Variants in TRPC3 observed in about 807,000 individuals in gnomAD.
TRPC3 encodes transient receptor potential cation channel subfamily C member 3.
In TRPC3, 54 loss-of-function variants were observed where a neutral mutation model predicts 90.9. The observed-to-expected ratio is 0.59, with a 90% confidence interval of 0.48 to 0.75. The LOEUF (loss-of-function observed/expected upper bound fraction) is 0.75, where lower values mean the gene tolerates loss of function less well. TRPC3 is among the 30% of genes least tolerant of loss of function. The pLI, the probability that TRPC3 is intolerant of heterozygous loss-of-function variation, is 0.00. For synonymous variants in TRPC3, 424 were observed against 450.9 expected, an observed-to-expected ratio of 0.94 and a Z score of 0.75; for missense variants, 918 against 1,194.5, an observed-to-expected ratio of 0.77 and a Z score of 3.41.
intron 1 of TRPC3, among the ~76,000 whole-genome samples, chr4:121,934,429 T>C (rs1441438298): frequency 6.6e-6 from 1 of 152,200 alleles, no homozygotes; most frequent in African/African-American, 2.4e-5. Context: ...CTTCCAATGT[T>C]CAAGATAACT....
intron 6 of TRPC3, among the ~76,000 whole-genome samples, chr4:121,908,115 A>T (rs1208685232): frequency 6.6e-6 from 1 of 152,158 alleles, no homozygotes; most frequent in Non-Finnish European, 1.5e-5. Flanking sequence ...AAAATGTAAA[A>T]TGCCACTGAA....
intron 3 of TRPC3, among the ~76,000 whole-genome samples, chr4:121,922,728 G>T (rs1158149282): frequency 6.6e-6 from 1 of 152,176 alleles, no homozygotes; most frequent in Non-Finnish European, 1.5e-5. Flanking sequence ...GATACATATT[G>T]CAGGATGTGT....
At chr4:121,912,167 T>TA (rs1194852228) in intron 4 of TRPC3, 74 bp from the exon 5 acceptor site, 95 of 1,231,334 alleles carry the variant, frequency 7.7e-5, no homozygotes, top group Admixed American at 2.7e-4. Context: ...AACATAGGAT[T>TA]AAAAAAAATA....
At chr4:121,927,656 GAAGAA>G (rs1729767258) in intron 2 of TRPC3, among the ~76,000 whole-genome samples, 1 of 151,408 alleles carries the variant, frequency 6.6e-6, no homozygotes, top group African/African-American at 2.5e-5. Flanking sequence ...AAATAAACAA[GAAGAA>G]GAGAGACTGT....
In TRPC3 at chr4:121,951,546, C is replaced by T. The variant is rs887003606; in HGVS notation, c.135G>A (p.Gly45=). Reference sequence around the variant, plus strand: ...AGGGCGCCGAGCGCGGCTCCAGCCCCCCGTTGACGCCCCTCCAGCCCCGGC... The same window carrying T: ...AGGGCGCCGAGCGCGGCTCCAGCCCTCCGTTGACGCCCCTCCAGCCCCGGC... The part of the protein sequence containing the change: ...RRRRGWRGVN[G]GLEPRSAPSQ... The change falls in exon 1 of 12, where the codon GGG becomes GGA. Residue 45 remains glycine, a synonymous_variant. Transcript: ENST00000379645. The surrounding 1 kb of genome is among the most constrained non-coding windows in gnomAD (Gnocchi z 4.4). 1.5e-5 allele frequency: 21 copies of T among 1,424,680 alleles called. No homozygotes were observed. Among genetic ancestry groups the T allele is most frequent in the Non-Finnish European group, 1.9e-5 (21 of 1,086,522 alleles). The allele number at this position is 1,424,680 out of a possible 1,614,324, so 88.3% of individuals were successfully genotyped here.
intron 10 of TRPC3, among the ~76,000 whole-genome samples, chr4:121,886,156 T>C (rs909616408): frequency 2.0e-5 from 3 of 152,168 alleles, no homozygotes; most frequent in African/African-American, 7.2e-5. Context: ...ATATCTTCCT[T>C]CCTGAAAGGA....
intron 1 of TRPC3, among the ~76,000 whole-genome samples, chr4:121,950,231 T>G (rs1730659860): frequency 6.6e-6 from 1 of 152,216 alleles, no homozygotes; most frequent in East Asian, 1.9e-4. Context: ...GTTCCTGTGT[T>G]CTACCGGCAG....
intron 1 of TRPC3, chr4:121,950,559 CTT>C (rs1193685502): frequency 1.3e-5 from 2 of 152,282 alleles, no homozygotes; most frequent in African/African-American, 4.8e-5. Flanking sequence ...CGATCACCCT[CTT>C]TTTATCTTCT....
intron 3 of TRPC3, among the ~76,000 whole-genome samples, chr4:121,917,220 T>C (rs79514752): frequency 0.035 from 5,373 of 152,316 alleles, 322 homozygotes; most frequent in African/African-American, 0.12. Context: ...TCCAAGGTTC[T>C]AAGTTTTGAA....
chr4:121,884,452 T>G (rs1224721812), intron 10 of TRPC3, among the ~76,000 whole-genome samples: 1 of 152,106 alleles, frequency 6.6e-6, no homozygotes, highest in Non-Finnish European at 1.5e-5. Context: ...TGCTTCATAA[T>G]TTATTTTGCA....
chr4:121,902,096 T>C (rs903923616), intron 9 of TRPC3, among the ~76,000 whole-genome samples: 10 of 152,212 alleles, frequency 6.6e-5, no homozygotes, highest in African/African-American at 1.9e-4. Flanking sequence ...GGGGATAACA[T>C]TGATATCTCG....
At chr4:121,930,186 C>T (rs976000370) in intron 2 of TRPC3, among the ~76,000 whole-genome samples, 1 of 152,120 alleles carries the variant, frequency 6.6e-6, no homozygotes, top group African/African-American at 2.4e-5. Context: ...GGGAGAGAGA[C>T]ATGAAGTCCT....
intron 10 of TRPC3, among the ~76,000 whole-genome samples, 166 bp downstream of exon 10, chr4:121,899,446 T>A (rs76585823): frequency 0.058 from 8,747 of 152,054 alleles, 552 homozygotes; most frequent in African/African-American, 0.15. Context: ...AATTTTTTTT[T>A]AAAAAATTTC....
At position 121,914,899 on chromosome 4, in the gene TRPC3, A is replaced by AGG; in HGVS notation, c.1221_1222insCC (p.Tyr408ProfsTer8). Reference sequence around the variant, plus strand: ...TCCCTTAGGCCTGAGAGGTTCTCATACCAGATCGTCAAGAGCTGCTGCTGG... The same window carrying AGG: ...TCCCTTAGGCCTGAGAGGTTCTCATAGGCCAGATCGTCAAGAGCTGCTGCTGG... On this transcript the variant is annotated frameshift_variant, in exon 4 of 12. Coordinates refer to ENST00000379645, the MANE Select transcript of TRPC3 (RefSeq NM_001130698.2). LOFTEE classifies it high-confidence loss of function. 1 of 1,612,322 alleles carries AGG rather than the reference A, an allele frequency of 6.2e-7. No homozygotes were observed. Among genetic ancestry groups the AGG allele is most frequent in the Non-Finnish European group, 8.5e-7 (1 of 1,178,570 alleles).
intron 10 of TRPC3, among the ~76,000 whole-genome samples, chr4:121,895,149 G>T (rs914334736): frequency 6.6e-6 from 1 of 151,846 alleles, no homozygotes; most frequent in African/African-American, 2.4e-5. Flanking sequence ...CAACACCCAT[G>T]CAACACAGCA....
intron 10 of TRPC3, among the ~76,000 whole-genome samples, chr4:121,893,942 ACT>A (rs989905443): frequency 3.9e-5 from 6 of 152,176 alleles, no homozygotes; most frequent in African/African-American, 7.2e-5. Flanking sequence ...TTGGTAACAC[ACT>A]GTTTGTAAAT....
chr4:121,879,501 T>C lies in TRPC3; in HGVS notation c.*235A>G. The C allele has an allele frequency of 6.8e-6, 3 of 441,046 alleles. No homozygotes were observed. The highest frequency in any genetic ancestry group is 1.2e-5 in the Non-Finnish European group (3 of 253,878). 27.3% of individuals were successfully genotyped at this position (441,046 alleles called of 1,614,324 possible). On this transcript the variant is annotated 3_prime_UTR_variant, in exon 12 of 12. Coordinates refer to ENST00000379645, the MANE Select transcript of TRPC3 (RefSeq NM_001130698.2). ...AAAATGAATAAAAGTTTCAATAATA[T>C]AGTAATATTGGGCTTTTCAACACAA...
intron 10 of TRPC3, among the ~76,000 whole-genome samples, chr4:121,886,891 C>G (rs915274180): frequency 6.6e-6 from 1 of 152,066 alleles, no homozygotes; most frequent in African/African-American, 2.4e-5. Flanking sequence ...TTCAAGTTGC[C>G]CTGAATATGT....
chr4:121,879,512 G>A lies in TRPC3; in HGVS notation c.*224C>T. The A allele has an allele frequency of 2.1e-6, 1 of 473,572 alleles. No individual in the cohort carries two copies. Among genetic ancestry groups the A allele is most frequent in the Non-Finnish European group, 3.6e-6 (1 of 275,696 alleles). The allele number at this position is 473,572 out of a possible 1,614,324, so 29.3% of individuals were successfully genotyped here. The stretch of plus-strand genomic sequence containing the variant: ...AAGTTTCAATAATATAGTAATATTG[G>A]GCTTTTCAACACAATGGTATGCCAC... On this transcript the variant is annotated 3_prime_UTR_variant, in exon 12 of 12. Transcript: ENST00000379645.
Sources: allele counts gnomAD v4.1 joint callset (sites outside exome capture counted in the v4.1 genomes callset), GRCh38; gene constraint gnomAD v4.1.1; non-coding constraint Gnocchi (gnomAD v3.1); transcripts MANE v1.5; gene names NCBI Gene and HGNC (gene_info 2026-07-23, HGNC 2026-07-21).